The following DICER1 variants were observed in gnomAD, a reference collection of about 807,000 sequenced individuals.
DICER1 encodes the protein dicer 1, ribonuclease III.
DICER1 carries 43 observed loss-of-function variants against 194.1 expected under a neutral mutation model. The observed-to-expected ratio is 0.22, with a 90% CI of 0.17 to 0.29. The LOEUF (loss-of-function observed/expected upper bound fraction) is 0.29, where lower values mean the gene tolerates loss of function less well. Ranked by LOEUF, DICER1 falls within the 10% of genes least tolerant of loss-of-function variation. DICER1 has a pLI of 1.00. For missense variants in DICER1, 1,608 were observed against 2,317.0 expected, an observed-to-expected ratio of 0.69 and a Z score of 6.28; for synonymous variants, 832 against 820.5, an observed-to-expected ratio of 1.01 and a Z score of -0.24.
intron 9 of DICER1, among the ~76,000 whole-genome samples, chr14:95,116,985 C>A (rs977709394): frequency 6.6e-5 from 10 of 152,132 alleles, no homozygotes; most frequent in African/African-American, 2.4e-4. Flanking sequence ...CCTGGACTCT[C>A]CAAATTTGGA....
At position 95,113,029 on chromosome 14, in the gene DICER1, G is replaced by C; in HGVS notation, c.2040+63C>G. The C allele has an allele frequency of 3.9e-6, 6 of 1,549,828 alleles. No homozygotes were observed. In the South Asian group the frequency reaches 6.7e-5, roughly 17 times the overall value. On this transcript the variant is annotated intron_variant, in intron 12 of 26. Transcript: ENST00000343455. The stretch of plus-strand genomic sequence containing the variant: ...CCTATAACTTGCAAGTCTTAGAAAA[G>C]CTGAAAAAATCCACTAATGACACAT...
At chr14:95,138,975 A>T (rs1414659743) in intron 1 of DICER1, among the ~76,000 whole-genome samples, 3 of 133,262 alleles carry the variant, frequency 2.3e-5, no homozygotes, top group African/African-American at 9.6e-5. Flanking sequence ...AATAAAAAAA[A>T]TAAAAATAAA....
Position 95,105,298 on chromosome 14 carries a change from G to GAAA in DICER1, c.3094-55_3094-53dup. ...ATAAATACAAAGCGCACACACAAAA[G>GAAA]AAAAAAAAAAAGACCAATTTCACTA... On this transcript the variant is annotated intron_variant, in intron 19 of 26. Coordinates refer to ENST00000343455, the MANE Select transcript of DICER1 (RefSeq NM_177438.3). The surrounding 1 kb of genome is among the most constrained non-coding windows in gnomAD (Gnocchi z 4.9). 1 of 1,110,776 alleles carries GAAA rather than the reference G, an allele frequency of 9.0e-7. No individual in the cohort carries two copies. Among genetic ancestry groups the GAAA allele is most frequent in the Non-Finnish European group, 1.2e-6 (1 of 810,378 alleles). The allele number at this position is 1,110,776 out of a possible 1,614,324, so 68.8% of individuals were successfully genotyped here.
In DICER1 at chr14:95,089,874, G is replaced by C. The variant is rs1889632966; in HGVS notation, c.*624C>G. The C allele has an allele frequency of 4.3e-6, 1 of 232,296 alleles. No individual in the cohort carries two copies. Among genetic ancestry groups the C allele is most frequent in the African/African-American group, 2.2e-5 (1 of 45,226 alleles). The allele number at this position is 232,296 out of a possible 1,614,324, so 14.4% of individuals were successfully genotyped here. On this transcript the variant is annotated 3_prime_UTR_variant, in exon 27 of 27. Coordinates refer to ENST00000343455, the MANE Select transcript of DICER1 (RefSeq NM_177438.3). Reference sequence around the variant, plus strand: ...TTTTATGCAAGACTATGTGGCATCAGAAAACTAAAATGTGATTCACCAACA... The same window carrying C: ...TTTTATGCAAGACTATGTGGCATCACAAAACTAAAATGTGATTCACCAACA...
In DICER1 at chr14:95,089,544, C is replaced by T. The variant is rs1889608323; in HGVS notation, c.*954G>A. 4.3e-6 allele frequency: 1 copy of T among 231,836 alleles called. No homozygotes were observed. Among genetic ancestry groups the T allele is most frequent in the Non-Finnish European group, 8.5e-6 (1 of 117,334 alleles). The allele number at this position is 231,836 out of a possible 1,614,324, so 14.4% of individuals were successfully genotyped here. A position where few individuals can be genotyped will look rare whatever the true frequency, so the allele number is the denominator to read the frequency against. On this transcript the variant is annotated 3_prime_UTR_variant, in exon 27 of 27. Coordinates refer to ENST00000343455, the MANE Select transcript of DICER1 (RefSeq NM_177438.3). ...CAAAATTATTTGCCATAAACATTTCCATCAGTGGGAACTACCTGGCAGGAG... is the reference window on the plus strand; with the variant it reads ...CAAAATTATTTGCCATAAACATTTCTATCAGTGGGAACTACCTGGCAGGAG...
chr14:95,102,308 A>G (rs1455054808), intron 21 of DICER1, among the ~76,000 whole-genome samples: 1 of 152,186 alleles, frequency 6.6e-6, no homozygotes, highest in Admixed American at 6.5e-5. Context: ...TTCTGCTACC[A>G]GATTAATCAT....
chr14:95,103,263 T>A, intron 21 of DICER1, 83 bp downstream of exon 21: 1 of 1,414,712 alleles, frequency 7.1e-7, no homozygotes, highest in Non-Finnish European at 1.0e-6. Flanking sequence ...TACGTTCTCA[T>A]CCTCTGAGAT....
chr14:95,106,291 CTGTT>C (rs1891422783), intron 17 of DICER1, 68 bp from the exon 18 acceptor site: 4 of 1,191,934 alleles, frequency 3.4e-6, no homozygotes, highest in Non-Finnish European at 4.9e-6. Flanking sequence ...CAAAATACAA[CTGTT>C]TGTAGTATGG....
chr14:95,149,743 A>G (rs1895388780), intron 1 of DICER1, among the ~76,000 whole-genome samples: 4 of 152,234 alleles, frequency 2.6e-5, no homozygotes, highest in Admixed American at 2.6e-4. Flanking sequence ...ATAATTTTTT[A>G]TTAATTAATT....
intron 21 of DICER1, among the ~76,000 whole-genome samples, chr14:95,101,328 T>C (rs890208773): frequency 6.6e-5 from 10 of 152,140 alleles, no homozygotes; most frequent in Non-Finnish European, 1.5e-4. Context: ...GTAGAAGGTT[T>C]CTGAGCAGAC....
At chr14:95,145,476 A>G (rs1363934338) in intron 1 of DICER1, among the ~76,000 whole-genome samples, 1 of 152,234 alleles carries the variant, frequency 6.6e-6, no homozygotes, top group Non-Finnish European at 1.5e-5. Flanking sequence ...ACTGTTTCTT[A>G]GGCAATAAAA....
At chr14:95,100,014 A>C in intron 21 of DICER1, 79 bp from the exon 22 acceptor site, 2 of 1,484,296 alleles carry the variant, frequency 1.3e-6, no homozygotes, top group South Asian at 2.3e-5. Flanking sequence ...ACATATCCTC[A>C]GTTAAATGTT....
chr14:95,095,784 C>T (rs768424518), intron 23 of DICER1, 41 bp downstream of exon 23: 50 of 1,606,900 alleles, frequency 3.1e-5, no homozygotes, highest in Non-Finnish European at 4.0e-5. Flanking sequence ...AACACAAAGT[C>T]TCATTTTCCC....
chr14:95,120,461 A>G (rs1892846360), intron 8 of DICER1, among the ~76,000 whole-genome samples: 3 of 152,238 alleles, frequency 2.0e-5, no homozygotes, highest in Admixed American at 6.5e-5. Context: ...AAAGTTAAAT[A>G]ACTTTCACAA....
chr14:95,099,739 C>T (rs1296564340), intron 22 of DICER1, 41 bp downstream of exon 22: 3 of 1,015,298 alleles, frequency 3.0e-6, no homozygotes, highest in East Asian at 1.7e-4. Context: ...GTTACACACA[C>T]ACACACACAC....
chr14:95,143,188 G>C (rs1160093241), intron 1 of DICER1, among the ~76,000 whole-genome samples: 3 of 152,112 alleles, frequency 2.0e-5, no homozygotes, highest in Non-Finnish European at 4.4e-5. Context: ...AGCACTTTAA[G>C]TTCCTAGTAA....
rs760439905 is a variant in DICER1, at chr14:95,095,971, A to C, written c.4949T>G (p.Phe1650Cys). ...TGTTTTATCTGCATCTGGATGATCAAACATACATCTTGGTGGAATCTTCAA... is the reference window on the plus strand; with the variant it reads ...TGTTTTATCTGCATCTGGATGATCACACATACATCTTGGTGGAATCTTCAA... ...GCLKIPPRCM[F>C]DHPDADKTLN... The change falls in exon 23 of 27, where the codon TTT becomes TGT. Residue 1650 changes from phenylalanine to cysteine, a missense_variant. By Grantham distance (205) the Phe-to-Cys change is radical (BLOSUM62 -2). This residue lies in a region of DICER1 where 125 missense variants were observed against 134.9 expected (regional missense o/e 0.93). Transcript: ENST00000343455. 11 of 1,614,136 alleles carry C rather than the reference A, an allele frequency of 6.8e-6. No individual in the cohort carries two copies. The highest frequency in any genetic ancestry group is 9.3e-6 in the Non-Finnish European group (11 of 1,180,052).
chr14:95,091,403 C>T (rs1278628219), intron 24 of DICER1, 38 bp from the exon 25 acceptor site: 17 of 1,598,762 alleles, frequency 1.1e-5, no homozygotes, highest in Non-Finnish European at 1.5e-5. Context: ...AGCAAAAAGG[C>T]CACTTTTACA....
At chr14:95,093,807 C>T (rs747496432) in intron 24 of DICER1, 81 bp downstream of exon 24, 14 of 1,482,652 alleles carry the variant, frequency 9.4e-6, no homozygotes, top group Non-Finnish European at 1.2e-5. Flanking sequence ...TCCCTTTAGA[C>T]CACTATGCCG....
Sources: gnomAD v4.1 joint callset for allele counts (sites outside exome capture counted in the v4.1 genomes callset) on GRCh38, gnomAD v4.1.1 for gene constraint, gnomAD v4.1.1 regional missense constraint, Gnocchi (gnomAD v3.1) non-coding constraint, MANE v1.5 for transcripts, NCBI Gene and HGNC (gene_info 2026-07-23, HGNC 2026-07-21) for gene names.